Variants in ALG9 observed in about 807,000 individuals in gnomAD.
ALG9 encodes alpha-1,2-mannosyltransferase ALG9.
Under a neutral mutation model 81.8 loss-of-function variants are expected in ALG9, and 55 were observed. The observed-to-expected ratio is 0.67, with a 90% CI of 0.54 to 0.84. The LOEUF (loss-of-function observed/expected upper bound fraction) is 0.84, where lower values mean the gene tolerates loss of function less well. Among genes scored for constraint, ALG9 ranks in the 40% least tolerant of loss-of-function variants. The probability of loss-of-function intolerance (pLI) is 0.00; values close to 1 mark genes in which losing one functional copy is unlikely to be tolerated. For missense variants in ALG9, 629 were observed against 745.0 expected (o/e 0.84, Z 1.81); for synonymous variants, 278 against 274.3 (o/e 1.01, Z -0.13).
chr11:111,828,391 A>G (rs1555110659), intron 13 of ALG9, among the ~76,000 whole-genome samples: 1 of 152,162 alleles, frequency 6.6e-6, no homozygotes, highest in East Asian at 1.9e-4. Flanking sequence ...TCCTTAACTC[A>G]CTTCTGCCTG....
intron 3 of ALG9, among the ~76,000 whole-genome samples, chr11:111,867,428 A>C (rs1962857260): frequency 6.6e-6 from 1 of 152,252 alleles, no homozygotes; most frequent in Non-Finnish European, 1.5e-5. Context: ...GCTTTGTAAA[A>C]ATATTTCAGT....
intron 13 of ALG9, among the ~76,000 whole-genome samples, chr11:111,812,052 AT>A (rs565031136): frequency 5.3e-5 from 8 of 152,176 alleles, no homozygotes; most frequent in South Asian, 2.1e-4. Flanking sequence ...ATTTCAAATA[AT>A]TTTTTTGATA....
chr11:111,858,432 T>A (rs1959057196), intron 5 of ALG9, among the ~76,000 whole-genome samples: 1 of 152,232 alleles, frequency 6.6e-6, no homozygotes, highest in Non-Finnish European at 1.5e-5. Flanking sequence ...AAGAAGCTTA[T>A]CTTCCATTGG....
intron 13 of ALG9, among the ~76,000 whole-genome samples, chr11:111,815,505 GC>G (rs1951349985): frequency 6.6e-6 from 1 of 152,196 alleles, no homozygotes; most frequent in Admixed American, 6.5e-5. Context: ...CTGGGAAGCA[GC>G]TGATGAACAA....
chr11:111,861,899 T>C (rs1026152348), intron 4 of ALG9, among the ~76,000 whole-genome samples: 24 of 152,330 alleles, frequency 1.6e-4, no homozygotes, highest in Admixed American at 1.6e-3. Flanking sequence ...TTTGAAGATA[T>C]TCTTTTTTGG....
chr11:111,787,067 T>C (rs957307158), intron 14 of ALG9, among the ~76,000 whole-genome samples: 3 of 152,344 alleles, frequency 2.0e-5, no homozygotes, highest in African/African-American at 7.2e-5. Context: ...TACTTATTAC[T>C]GAAATATAAG....
intron 13 of ALG9, among the ~76,000 whole-genome samples, chr11:111,817,055 G>A (rs1245290603): frequency 2.0e-5 from 3 of 152,216 alleles, no homozygotes; most frequent in Non-Finnish European, 4.4e-5. Flanking sequence ...GAGCATGGTT[G>A]ACAGGGGGAA....
intron 13 of ALG9, among the ~76,000 whole-genome samples, chr11:111,812,658 T>C (rs1471477102): frequency 2.6e-5 from 4 of 152,316 alleles, no homozygotes; most frequent in Middle Eastern, 3.4e-3. Flanking sequence ...GGCTTACGCC[T>C]GTAATCCTAG....
intron 14 of ALG9, among the ~76,000 whole-genome samples, chr11:111,802,519 C>T (rs539466967): frequency 1.3e-5 from 2 of 152,222 alleles, no homozygotes; most frequent in Admixed American, 6.5e-5. Context: ...TGCCCGGAGA[C>T]GGCAGTGGGA....
chr11:111,867,950 T>C (rs992347938), intron 3 of ALG9, among the ~76,000 whole-genome samples: 1 of 152,020 alleles, frequency 6.6e-6, no homozygotes, highest in Non-Finnish European at 1.5e-5. Flanking sequence ...CCACTGACCA[T>C]TGAGAGAAAA....
chr11:111,824,243 C>T lies in ALG9; in HGVS notation c.1602+11922G>A, dbSNP rs113492293. On this transcript the variant is annotated intron_variant, in intron 13 of 14. Transcript: ENST00000616540. Reference sequence around the variant, plus strand: ...GAATGAAATTCACTAGTATTTATGACTAAAGTCACTATCACTGCCACCATT... The same window carrying T: ...GAATGAAATTCACTAGTATTTATGATTAAAGTCACTATCACTGCCACCATT... Among the ~76,000 whole-genome samples the T allele has an allele frequency of 6.9e-3, 1,048 of 152,234 alleles. 10 individuals carry two copies. The highest frequency in any genetic ancestry group is 0.023 in the African/African-American group (972 of 41,550).
At chr11:111,827,045 G>A (rs1159001148) in intron 13 of ALG9, among the ~76,000 whole-genome samples, 1 of 152,070 alleles carries the variant, frequency 6.6e-6, no homozygotes, top group African/African-American at 2.4e-5. Flanking sequence ...AATATGAAGA[G>A]CATATGTTTT....
intron 6 of ALG9, among the ~76,000 whole-genome samples, chr11:111,855,921 A>G (rs1306069469): frequency 2.0e-5 from 3 of 152,004 alleles, no homozygotes; most frequent in Non-Finnish European, 2.9e-5. Context: ...TCTCTTAGTA[A>G]CTCCCCTCAT....
At chr11:111,834,754 A>C (rs1954950135) in intron 13 of ALG9, among the ~76,000 whole-genome samples, 1 of 152,076 alleles carries the variant, frequency 6.6e-6, no homozygotes, top group Non-Finnish European at 1.5e-5. Context: ...CCACCCTTTG[A>C]CTGTCCAGCT....
At chr11:111,852,442 C>G (rs1313567551) in intron 8 of ALG9, among the ~76,000 whole-genome samples, 1 of 152,120 alleles carries the variant, frequency 6.6e-6, no homozygotes, top group Non-Finnish European at 1.5e-5. Flanking sequence ...AAACTGAAGA[C>G]TGCATCCCCA....
At chr11:111,847,624 T>C (rs1476507713) in intron 8 of ALG9, among the ~76,000 whole-genome samples, 1 of 152,226 alleles carries the variant, frequency 6.6e-6, no homozygotes, top group African/African-American at 2.4e-5. Context: ...AATCACTTTC[T>C]TTTCTGCAAC....
chr11:111,837,389 CA>C, intron 12 of ALG9, 78 bp downstream of exon 12: 1 of 1,563,034 alleles, frequency 6.4e-7, no homozygotes. Context: ...CAAAAGAAAA[CA>C]AAAATTAGAA....
intron 3 of ALG9, among the ~76,000 whole-genome samples, chr11:111,866,391 AAAGGTGC>A (rs1283771603): frequency 6.6e-6 from 1 of 152,144 alleles, no homozygotes; most frequent in Non-Finnish European, 1.5e-5. Flanking sequence ...GAGATAATAC[AAAGGTGC>A]TTTCATTTGG....
chr11:111,834,412 T>G (rs1954886252), intron 13 of ALG9, among the ~76,000 whole-genome samples: 1 of 152,194 alleles, frequency 6.6e-6, no homozygotes, highest in African/African-American at 2.4e-5. Flanking sequence ...TTTCTTTACC[T>G]GGAATCTGTC....
Sources: allele counts gnomAD v4.1 joint callset (sites outside exome capture counted in the v4.1 genomes callset), GRCh38; gene constraint gnomAD v4.1.1; transcripts MANE v1.5; gene names NCBI Gene and HGNC (gene_info 2026-07-23, HGNC 2026-07-21).